Variants in DLGAP1 observed in about 807,000 individuals in gnomAD.
The protein encoded by DLGAP1 is DLG associated protein 1, also known as disks large-associated protein 1.
A neutral mutation model predicts 90.8 loss-of-function variants in DLGAP1; 11 were observed. The ratio of observed to expected loss-of-function variants is 0.12; its 90% CI spans 0.08 to 0.20. DLGAP1 has a LOEUF of 0.20. Among genes scored for constraint, DLGAP1 ranks in the 10% least tolerant of loss-of-function variants. The probability of loss-of-function intolerance (pLI) is 1.00; values close to 1 mark genes in which losing one functional copy is unlikely to be tolerated. For missense variants in DLGAP1, 1,050 were observed against 1,333.8 expected, an observed-to-expected ratio of 0.79 and a Z score of 3.31; for synonymous variants, 558 against 540.7, an observed-to-expected ratio of 1.03 and a Z score of -0.44.
intron 1 of DLGAP1, among the ~76,000 whole-genome samples, chr18:4,427,632 A>T (rs930508965): frequency 6.6e-6 from 1 of 152,186 alleles, no homozygotes; most frequent in Non-Finnish European, 1.5e-5. Flanking sequence ...AGGAGAGACA[A>T]ATCAACAAAG....
chr18:3,504,250 C>A (rs555445117), intron 11 of DLGAP1, among the ~76,000 whole-genome samples: 1 of 151,650 alleles, frequency 6.6e-6, no homozygotes, highest in Admixed American at 6.6e-5. Flanking sequence ...ACAGAGAAAC[C>A]CTTTCATTAA....
intron 5 of DLGAP1, among the ~76,000 whole-genome samples, chr18:3,791,139 G>A (rs1466513085): frequency 1.1e-4 from 16 of 152,116 alleles, no homozygotes; most frequent in Non-Finnish European, 2.9e-5. Flanking sequence ...GGGGAACGGT[G>A]GGGGAATATG....
intron 1 of DLGAP1, among the ~76,000 whole-genome samples, chr18:4,181,193 A>C (rs1318716875): frequency 1.3e-5 from 2 of 152,176 alleles, no homozygotes; most frequent in Non-Finnish European, 2.9e-5. Flanking sequence ...GAAATGTTAA[A>C]ATGAAAGATT....
chr18:4,048,638 T>C (rs1314234782), intron 2 of DLGAP1, among the ~76,000 whole-genome samples: 1 of 152,218 alleles, frequency 6.6e-6, no homozygotes, highest in Non-Finnish European at 1.5e-5. Flanking sequence ...CCTGACCAAC[T>C]TGTGCCTGCA....
intron 1 of DLGAP1, among the ~76,000 whole-genome samples, chr18:4,270,513 TC>T (rs1459911959): frequency 6.6e-6 from 1 of 152,220 alleles, no homozygotes; most frequent in African/African-American, 2.4e-5. Flanking sequence ...ATAATATTTT[TC>T]CAAAATATTT....
At chr18:3,593,147 C>G (rs1043802979) in intron 7 of DLGAP1, among the ~76,000 whole-genome samples, 1 of 152,084 alleles carries the variant, frequency 6.6e-6, no homozygotes, top group Non-Finnish European at 1.5e-5. Flanking sequence ...TAAACACTCT[C>G]TAGTAAACAC....
intron 1 of DLGAP1, among the ~76,000 whole-genome samples, chr18:4,256,333 G>A (rs561510442): frequency 1.3e-5 from 2 of 152,278 alleles, no homozygotes; most frequent in East Asian, 3.9e-4. Flanking sequence ...CCAGGAGGTC[G>A]AGGTTACAGT....
chr18:4,061,315 G>A (rs1359167322), intron 2 of DLGAP1, among the ~76,000 whole-genome samples: 2 of 152,154 alleles, frequency 1.3e-5, no homozygotes, highest in African/African-American at 2.4e-5. Context: ...TTAAAGGATT[G>A]TTTTAAGTTA....
intron 4 of DLGAP1, among the ~76,000 whole-genome samples, chr18:3,843,315 A>C (rs1402622395): frequency 6.6e-6 from 1 of 152,212 alleles, no homozygotes; most frequent in Non-Finnish European, 1.5e-5. Flanking sequence ...ACAAAAGATC[A>C]TGAAGCTGAT....
chr18:4,421,309 A>C (rs182453034), intron 1 of DLGAP1, among the ~76,000 whole-genome samples: 1 of 152,052 alleles, frequency 6.6e-6, no homozygotes, highest in East Asian at 1.9e-4. Context: ...CATCTACCTC[A>C]AAACTCCCTC....
At chr18:3,859,865 C>G (rs961744967) in intron 4 of DLGAP1, among the ~76,000 whole-genome samples, 1 of 151,962 alleles carries the variant, frequency 6.6e-6, no homozygotes, top group African/African-American at 2.4e-5. Flanking sequence ...CTTTGGGAGG[C>G]CGAGGTGGGC....
At chr18:4,446,761 T>C (rs755372363) in intron 1 of DLGAP1, among the ~76,000 whole-genome samples, 1 of 152,092 alleles carries the variant, frequency 6.6e-6, no homozygotes, top group South Asian at 2.1e-4. Context: ...AGCCACCAAC[T>C]GAGTGGAGAT....
intron 3 of DLGAP1, among the ~76,000 whole-genome samples, chr18:3,969,619 C>T (rs976033904): frequency 5.3e-5 from 8 of 152,248 alleles, no homozygotes; most frequent in African/African-American, 7.2e-5. Context: ...AGCAGTTTCA[C>T]GATTTCGGTC....
intron 7 of DLGAP1, among the ~76,000 whole-genome samples, chr18:3,626,649 TCATC>T (rs893994825): frequency 5.3e-5 from 8 of 149,996 alleles, no homozygotes; most frequent in Non-Finnish European, 1.2e-4. Flanking sequence ...CTCATGCCTA[TCATC>T]CCACTACTTT....
chr18:3,942,842 T>C (rs2072797259), intron 3 of DLGAP1, among the ~76,000 whole-genome samples: 2 of 152,218 alleles, frequency 1.3e-5, no homozygotes. Flanking sequence ...ATGCATTTTT[T>C]TTCTGCTATG....
intron 4 of DLGAP1, among the ~76,000 whole-genome samples, chr18:3,841,360 T>C (rs2068704834): frequency 6.6e-6 from 1 of 152,072 alleles, no homozygotes; most frequent in African/African-American, 2.4e-5. Flanking sequence ...GAATAAAGAA[T>C]ACAGCACAAA....
intron 1 of DLGAP1, among the ~76,000 whole-genome samples, chr18:4,225,421 G>A (rs1014617007): frequency 3.3e-5 from 5 of 151,908 alleles, no homozygotes; most frequent in Non-Finnish European, 4.4e-5. Flanking sequence ...GCATCAAGAC[G>A]ATCCAGGAAA....
chr18:4,114,411 G>A (rs2076026984), intron 2 of DLGAP1, among the ~76,000 whole-genome samples: 1 of 152,004 alleles, frequency 6.6e-6, no homozygotes, highest in South Asian at 2.1e-4. Context: ...CTCTCTGCTT[G>A]AATGCTACTG....
intron 7 of DLGAP1, among the ~76,000 whole-genome samples, chr18:3,724,840 G>A (rs1350054842): frequency 2.0e-5 from 3 of 151,768 alleles, no homozygotes; most frequent in Non-Finnish European, 4.4e-5. Flanking sequence ...AGGAGCTGGA[G>A]GCTGCAGTAA....
Sources: gnomAD v4.1 joint callset for allele counts (sites outside exome capture counted in the v4.1 genomes callset) on GRCh38, gnomAD v4.1.1 for gene constraint, MANE v1.5 for transcripts, NCBI Gene and HGNC (gene_info 2026-07-23, HGNC 2026-07-21) for gene names.